CNTNAP2: variants seen among roughly 807,000 people sequenced by gnomAD.
CNTNAP2 encodes contactin-associated protein-like 2.
CNTNAP2 carries 98 observed loss-of-function variants against 155.2 expected under a neutral mutation model. The ratio of observed to expected loss-of-function variants is 0.63; its 90% CI spans 0.54 to 0.75. The LOEUF (loss-of-function observed/expected upper bound fraction) is 0.75. Ranked by LOEUF, CNTNAP2 falls within the 30% of genes least tolerant of loss-of-function variation. CNTNAP2 has a pLI of 0.00. For missense variants in CNTNAP2, 1,727 were observed against 1,688.1 expected, an observed-to-expected ratio of 1.02 and a Z score of -0.40; for synonymous variants, 651 against 631.2, an observed-to-expected ratio of 1.03 and a Z score of -0.47.
chr7:146,685,185 A>T (rs1018670619), intron 1 of CNTNAP2, among the ~76,000 whole-genome samples: 5 of 152,174 alleles, frequency 3.3e-5, no homozygotes, highest in African/African-American at 1.2e-4. Flanking sequence ...GTTGACATAA[A>T]AGAATGACAA....
intron 15 of CNTNAP2, among the ~76,000 whole-genome samples, chr7:148,116,648 AACAG>A: frequency 6.6e-6 from 1 of 152,330 alleles, no homozygotes; most frequent in South Asian, 2.1e-4. Context: ...AACAAAAACA[AACAG>A]CATTAATTAA....
chr7:146,554,700 C>T (rs1267791342), intron 1 of CNTNAP2, among the ~76,000 whole-genome samples: 2 of 152,206 alleles, frequency 1.3e-5, no homozygotes, highest in Non-Finnish European at 2.9e-5. Flanking sequence ...GGCCGTGCTA[C>T]CAGCTCTTGC....
chr7:146,693,948 A>G (rs1303468358), intron 1 of CNTNAP2, among the ~76,000 whole-genome samples: 4 of 151,414 alleles, frequency 2.6e-5, no homozygotes, highest in African/African-American at 9.7e-5. Context: ...ATGCGTTTTC[A>G]TTGTTCAGCT....
At chr7:146,118,967 G>A (rs1797525183) in intron 1 of CNTNAP2, among the ~76,000 whole-genome samples, 1 of 152,018 alleles carries the variant, frequency 6.6e-6, no homozygotes. Context: ...AAATAATAAG[G>A]ATGCTACAGA....
intron 8 of CNTNAP2, among the ~76,000 whole-genome samples, chr7:147,213,851 C>T (rs1311733490): frequency 1.3e-5 from 2 of 152,024 alleles, no homozygotes; most frequent in Admixed American, 6.6e-5. Context: ...TGGTGTAAAT[C>T]CTGGAGTGTC....
intron 1 of CNTNAP2, among the ~76,000 whole-genome samples, chr7:146,142,461 A>G (rs1797895124): frequency 6.6e-6 from 1 of 152,218 alleles, no homozygotes; most frequent in Admixed American, 6.5e-5. Context: ...AGAAAAATAA[A>G]GAACACCCAA....
chr7:146,658,109 G>T (rs997164931), intron 1 of CNTNAP2, among the ~76,000 whole-genome samples: 1 of 152,162 alleles, frequency 6.6e-6, no homozygotes, highest in East Asian at 1.9e-4. Context: ...GGGTAATGAA[G>T]TTGAGAGTGA....
intron 13 of CNTNAP2, among the ~76,000 whole-genome samples, chr7:147,820,657 TG>T (rs1231583618): frequency 1.3e-5 from 2 of 152,158 alleles, no homozygotes; most frequent in African/African-American, 4.8e-5. Context: ...CTTTTAGATT[TG>T]TTACTGATCA....
intron 8 of CNTNAP2, among the ~76,000 whole-genome samples, chr7:147,181,314 C>G (rs1480251248): frequency 2.0e-5 from 3 of 152,168 alleles, no homozygotes; most frequent in East Asian, 1.9e-4. Flanking sequence ...TCACACCTTT[C>G]TTGAGGAAGG....
At chr7:147,043,303 T>G (rs1799294257) in intron 3 of CNTNAP2, among the ~76,000 whole-genome samples, 1 of 152,142 alleles carries the variant, frequency 6.6e-6, no homozygotes, top group African/African-American at 2.4e-5. Flanking sequence ...AATGTGAACT[T>G]TCAGTATCAG....
At chr7:147,423,898 A>T (rs945642106) in intron 10 of CNTNAP2, among the ~76,000 whole-genome samples, 2 of 151,948 alleles carry the variant, frequency 1.3e-5, no homozygotes, top group Non-Finnish European at 2.9e-5. Context: ...TATCATTATG[A>T]CTCCCTTGCA....
At chr7:146,633,754 C>T (rs577519124) in intron 1 of CNTNAP2, among the ~76,000 whole-genome samples, 8 of 142,780 alleles carry the variant, frequency 5.6e-5, no homozygotes, top group East Asian at 4.4e-4. Context: ...GGCGTGAACC[C>T]GGGAGACGGA....
chr7:146,172,440 G>GC (rs1798408874), intron 1 of CNTNAP2, among the ~76,000 whole-genome samples: 1 of 151,946 alleles, frequency 6.6e-6, no homozygotes, highest in Admixed American at 6.6e-5. Flanking sequence ...CATACACTGC[G>GC]CAGCCACCTT....
intron 10 of CNTNAP2, among the ~76,000 whole-genome samples, chr7:147,401,584 T>C (rs767736864): frequency 1.1e-4 from 17 of 152,166 alleles, no homozygotes; most frequent in Admixed American, 2.0e-4. Flanking sequence ...AGAAGGATGA[T>C]ATGGTTTGGC....
intron 1 of CNTNAP2, among the ~76,000 whole-genome samples, chr7:146,256,321 TAATAA>T (rs1799836219): frequency 6.6e-6 from 1 of 152,194 alleles, no homozygotes; most frequent in South Asian, 2.1e-4. Flanking sequence ...ATGGAACATA[TAATAA>T]AATGTTAGGA....
At chr7:146,759,577 CCCAGCTACTCAGG>C (rs1490317179) in intron 1 of CNTNAP2, among the ~76,000 whole-genome samples, 1 of 151,008 alleles carries the variant, frequency 6.6e-6, no homozygotes. Context: ...TGCCTGTAAT[CCCAGCTACTCAGG>C]AGGCCGAGGC....
At position 147,002,407 on chromosome 7, in the gene CNTNAP2, G is replaced by T. The variant is rs144398448; in HGVS notation, c.403-41500G>T. Among the ~76,000 whole-genome samples, 25 of 152,154 alleles carry T rather than the reference G, an allele frequency of 1.6e-4. 1 individual carries two copies. In the East Asian group the frequency reaches 4.5e-3, roughly 27 times the overall value. On this transcript the variant is annotated intron_variant, in intron 3 of 23. Transcript: ENST00000361727. ...CCAACAGCGATACTGGAAGCTAGAA[G>T]ATAATCCAGTTGTGCCTATAGAATT...
chr7:146,215,165 T>G (rs1304101893), intron 1 of CNTNAP2, among the ~76,000 whole-genome samples: 2 of 152,326 alleles, frequency 1.3e-5, no homozygotes, highest in East Asian at 1.9e-4. Flanking sequence ...ATTTTAAAAT[T>G]TTGACAGTAA....
intron 21 of CNTNAP2, among the ~76,000 whole-genome samples, chr7:148,330,304 C>A (rs1585278404): frequency 1.5e-5 from 2 of 134,774 alleles, no homozygotes; most frequent in South Asian, 4.8e-4. Context: ...ATGGAGCAGA[C>A]AGATGGAGCA....
Sources: allele counts gnomAD v4.1 joint callset (sites outside exome capture counted in the v4.1 genomes callset), GRCh38; gene constraint gnomAD v4.1.1; transcripts MANE v1.5; gene names NCBI Gene and HGNC (gene_info 2026-07-23, HGNC 2026-07-21).